The following DNAH9 variants were observed in gnomAD, a reference collection of about 807,000 sequenced individuals.
DNAH9 encodes DNAH9 variant protein.
Under a neutral mutation model 471.6 loss-of-function variants are expected in DNAH9, and 345 were observed. The observed-to-expected ratio is 0.73, with a 90% CI of 0.67 to 0.80. DNAH9 has a LOEUF of 0.80. DNAH9 is among the 30% of genes least tolerant of loss of function. DNAH9 has a pLI of 0.00. For synonymous variants in DNAH9, 2,093 were observed against 2,123.6 expected, an observed-to-expected ratio of 0.99 and a Z score of 0.40; for missense variants, 5,407 against 5,609.2, an observed-to-expected ratio of 0.96 and a Z score of 1.15.
intron 23 of DNAH9, 125 bp from the exon 24 acceptor site, chr17:11,700,997 A>G (rs1459985789): frequency 3.0e-6 from 3 of 992,646 alleles, no homozygotes; most frequent in Non-Finnish European, 4.6e-6. Context: ...TCTGGCAGCC[A>G]CTTGGGGCTG....
In DNAH9 at chr17:11,745,047, A is replaced by G; in HGVS notation, c.6362A>G (p.Asp2121Gly). The change falls in exon 31 of 69, where the codon GAT becomes GGT. Residue 2121 changes from aspartate (D) to glycine (G), a missense_variant. Asp to Gly is a moderately conservative substitution (Grantham distance 94). Transcript: ENST00000262442. The stretch of plus-strand genomic sequence containing the variant: ...GCTTTGGTTAGGAAGGCGATAGTGG[A>G]TCTGAAGCTCCAGGCTGAGGACAAC... The part of the protein sequence containing the change: ...FEALVRKAIV[D>G]LKLQAEDNFV... 6.2e-7 allele frequency: 1 copy of G among 1,614,064 alleles called. No individual in the cohort carries two copies. Among genetic ancestry groups the G allele is most frequent in the Non-Finnish European group, 8.5e-7 (1 of 1,179,918 alleles).
At chr17:11,921,848 C>G (rs1197419636) in intron 61 of DNAH9, among the ~76,000 whole-genome samples, 1 of 152,126 alleles carries the variant, frequency 6.6e-6, no homozygotes, top group Non-Finnish European at 1.5e-5. Flanking sequence ...AAACTTTGCC[C>G]GTGATGATCC....
intron 38 of DNAH9, among the ~76,000 whole-genome samples, chr17:11,773,514 T>A (rs1346347085): frequency 6.6e-6 from 1 of 151,976 alleles, no homozygotes; most frequent in Non-Finnish European, 1.5e-5. Flanking sequence ...AAAAGAAATA[T>A]ATAAAAATTT....
chr17:11,792,074 G>A (rs1321802765), intron 41 of DNAH9, among the ~76,000 whole-genome samples: 1 of 152,106 alleles, frequency 6.6e-6, no homozygotes, highest in African/African-American at 2.4e-5. Context: ...CTGAGGTTGG[G>A]AGTTCAAGAC....
At chr17:11,956,108 A>T (rs867502776) in intron 67 of DNAH9, among the ~76,000 whole-genome samples, 1 of 152,234 alleles carries the variant, frequency 6.6e-6, no homozygotes, top group African/African-American at 2.4e-5. Flanking sequence ...AGGACAAAAA[A>T]ACTACGTATC....
In DNAH9 at chr17:11,961,357, T is replaced by G. The variant is rs544291132; in HGVS notation, c.12844-510T>G. Among the ~76,000 whole-genome samples, 12 of 152,304 alleles carry G rather than the reference T, an allele frequency of 7.9e-5. No homozygotes were observed. The South Asian group carries it at 2.3e-3, about 29-fold the overall frequency. ...AAAGATGGTGTTCAGTGTAAACCTT[T>G]CTTTACAAATCCTATCTAGCTGTTG... On this transcript the variant is annotated intron_variant, in intron 67 of 68. Transcript: ENST00000262442.
chr17:11,708,014 C>CAGAG (rs34314090), intron 26 of DNAH9, among the ~76,000 whole-genome samples: 36 of 52,214 alleles, frequency 6.9e-4, no homozygotes, highest in Middle Eastern at 0.01. Context: ...CACACACACA[C>CAGAG]AGAGAGAGAG....
At chr17:11,775,691 G>A (rs541853791) in intron 38 of DNAH9, among the ~76,000 whole-genome samples, 59 of 131,234 alleles carry the variant, frequency 4.5e-4, no homozygotes, top group Middle Eastern at 8.5e-3. Context: ...TGCAAGCTCC[G>A]CCTCCTGGGT....
chr17:11,893,488 G>A (rs778121772), intron 58 of DNAH9, among the ~76,000 whole-genome samples: 85 of 152,210 alleles, frequency 5.6e-4, no homozygotes, highest in Middle Eastern at 3.4e-3. Flanking sequence ...ATGGTAGACT[G>A]GATAAAGAAA....
intron 45 of DNAH9, among the ~76,000 whole-genome samples, chr17:11,816,712 A>C (rs1222999014): frequency 6.6e-6 from 1 of 152,214 alleles, no homozygotes; most frequent in Admixed American, 6.5e-5. Context: ...CCTGAAAAGC[A>C]GCTGTGGCCT....
At chr17:11,706,477 A>C (rs1475975730) in intron 26 of DNAH9, among the ~76,000 whole-genome samples, 1 of 152,172 alleles carries the variant, frequency 6.6e-6, no homozygotes, top group African/African-American at 2.4e-5. Context: ...ACCAAGGGGA[A>C]AAGTACAAGG....
chr17:11,661,036 T>C (rs2073750668), intron 14 of DNAH9, among the ~76,000 whole-genome samples: 1 of 149,762 alleles, frequency 6.7e-6, no homozygotes. Flanking sequence ...TTTTTTGTCA[T>C]GTGTTTGAAG....
chr17:11,660,319 CTTTTT>C (rs1208889792), intron 14 of DNAH9, among the ~76,000 whole-genome samples: 2 of 97,508 alleles, frequency 2.1e-5, no homozygotes, highest in African/African-American at 7.6e-5. Flanking sequence ...TTAAATGTTT[CTTTTT>C]TTTTTTTTTT....
At chr17:11,953,626 G>A (rs546661612) in intron 67 of DNAH9, among the ~76,000 whole-genome samples, 160 of 151,912 alleles carry the variant, frequency 1.1e-3, no homozygotes, top group Non-Finnish European at 2.0e-3. Flanking sequence ...CCTGGCTAAC[G>A]TGGTGAAACC....
At chr17:11,794,297 C>G (rs1305308604) in intron 42 of DNAH9, among the ~76,000 whole-genome samples, 1 of 152,052 alleles carries the variant, frequency 6.6e-6, no homozygotes, top group Admixed American at 6.5e-5. Context: ...CTCCTGACTT[C>G]GTGATCCACC....
At chr17:11,770,104 G>A (rs1968142177) in intron 38 of DNAH9, among the ~76,000 whole-genome samples, 1 of 152,174 alleles carries the variant, frequency 6.6e-6, no homozygotes, top group African/African-American at 2.4e-5. Flanking sequence ...AGGTGACACT[G>A]CAGTGCCTCC....
chr17:11,646,773 C>T (rs1378602647), intron 11 of DNAH9, among the ~76,000 whole-genome samples: 1 of 152,060 alleles, frequency 6.6e-6, no homozygotes, highest in African/African-American at 2.4e-5. Flanking sequence ...ATTAGCCAGG[C>T]GTGGTGGCAC....
chr17:11,643,169 A>G (rs77702848), intron 10 of DNAH9, among the ~76,000 whole-genome samples: 4 of 152,164 alleles, frequency 2.6e-5, no homozygotes, highest in African/African-American at 9.7e-5. Flanking sequence ...GAAGTGTCAA[A>G]ACCAGTTGAG....
chr17:11,898,071 T>A (rs1168920370), intron 59 of DNAH9, among the ~76,000 whole-genome samples: 2 of 152,110 alleles, frequency 1.3e-5, no homozygotes, highest in Non-Finnish European at 2.9e-5. Flanking sequence ...CACATGGCTG[T>A]CTGGCTGTCT....
Sources: gnomAD v4.1 joint callset for allele counts (sites outside exome capture counted in the v4.1 genomes callset) on GRCh38, gnomAD v4.1.1 for gene constraint, MANE v1.5 for transcripts, NCBI Gene and HGNC (gene_info 2026-07-23, HGNC 2026-07-21) for gene names.